Variants in VAV3 observed in about 807,000 individuals in gnomAD.
VAV3 encodes guanine nucleotide exchange factor VAV3.
A neutral mutation model predicts 131.2 loss-of-function variants in VAV3; 94 were observed. The observed-to-expected ratio is 0.72, with a 90% CI of 0.61 to 0.85. VAV3 has a LOEUF of 0.85. VAV3 is among the 40% of genes least tolerant of loss of function. The pLI is 0.00. For missense variants in VAV3, 939 were observed against 1,002.7 expected, an observed-to-expected ratio of 0.94 and a Z score of 0.86; for synonymous variants, 349 against 342.0, an observed-to-expected ratio of 1.02 and a Z score of -0.22.
chr1:107,945,554 T>C (rs931355917), intron 1 of VAV3, among the ~76,000 whole-genome samples: 3 of 152,070 alleles, frequency 2.0e-5, no homozygotes, highest in Non-Finnish European at 2.9e-5. Flanking sequence ...CCAGGCGCGG[T>C]GGCTCATGCC....
intron 20 of VAV3, among the ~76,000 whole-genome samples, chr1:107,617,961 T>A (rs189727435): frequency 6.6e-6 from 1 of 152,032 alleles, no homozygotes; most frequent in East Asian, 1.9e-4. Context: ...GGATGTGGGG[T>A]GAGGTGAGGT....
chr1:107,609,551 A>AAAG (rs33910884), intron 22 of VAV3: 1 of 65,126 alleles, frequency 1.5e-5, no homozygotes, highest in Non-Finnish European at 3.5e-5. Flanking sequence ...TATAAAAAAT[A>AAAG]AAAAAAAAAA....
chr1:107,673,484 C>A (rs1657968847), intron 19 of VAV3: 1 of 152,244 alleles, frequency 6.6e-6, no homozygotes, highest in Non-Finnish European at 1.5e-5. Flanking sequence ...CTGCTCATAT[C>A]CTGGATTCCA....
intron 1 of VAV3, among the ~76,000 whole-genome samples, chr1:107,928,194 A>G (rs1367758757): frequency 6.6e-6 from 1 of 152,196 alleles, no homozygotes; most frequent in African/African-American, 2.4e-5. Flanking sequence ...TACAAGAACC[A>G]CAGCATTACT....
intron 15 of VAV3, among the ~76,000 whole-genome samples, chr1:107,739,234 A>G (rs1157534585): frequency 6.6e-6 from 1 of 152,210 alleles, no homozygotes; most frequent in Non-Finnish European, 1.5e-5. Flanking sequence ...CTAGGCAATA[A>G]CAAAACAAGA....
intron 2 of VAV3, among the ~76,000 whole-genome samples, chr1:107,870,606 T>C (rs913418027): frequency 2.0e-5 from 3 of 152,114 alleles, no homozygotes; most frequent in African/African-American, 7.2e-5. Context: ...CTCTGCTGAC[T>C]GTTCATTTTG....
intron 15 of VAV3, among the ~76,000 whole-genome samples, chr1:107,719,158 A>G (rs1300045576): frequency 6.6e-6 from 1 of 152,244 alleles, no homozygotes; most frequent in Non-Finnish European, 1.5e-5. Flanking sequence ...CAAGGACTTC[A>G]TGACTAAAAC....
intron 2 of VAV3, chr1:107,785,670 C>A: frequency 1.8e-6 from 2 of 1,109,116 alleles, no homozygotes; most frequent in Non-Finnish European, 2.2e-6. Context: ...AAAACTTGGG[C>A]CCCAGAAGAG....
chr1:107,704,678 AT>A, intron 16 of VAV3, 28 bp from the exon 17 acceptor site: 1 of 1,570,816 alleles, frequency 6.4e-7, no homozygotes, highest in Middle Eastern at 1.7e-4. Flanking sequence ...AAAGTGGTAT[AT>A]TAAACGGTGC....
chr1:107,599,719 C>T (rs1397231313), intron 24 of VAV3, among the ~76,000 whole-genome samples: 1 of 151,686 alleles, frequency 6.6e-6, no homozygotes, highest in African/African-American at 2.4e-5. Context: ...ACTGAGAAAC[C>T]AGTTAATTTA....
chr1:107,871,345 C>T (rs345318), intron 2 of VAV3, among the ~76,000 whole-genome samples: 3 of 148,142 alleles, frequency 2.0e-5, no homozygotes, highest in Admixed American at 1.4e-4. Context: ...CCTCTCCCCC[C>T]ACCAGACCTC....
chr1:107,573,980 A>G (rs1649436742), intron 26 of VAV3, 67 bp downstream of exon 26: 1 of 1,580,042 alleles, frequency 6.3e-7, no homozygotes, highest in Admixed American at 1.7e-5. Flanking sequence ...TGGTGCCACA[A>G]TGGGTGCAAA....
At chr1:107,952,468 T>TTATATATATATATATATA (rs1161088981) in intron 1 of VAV3, among the ~76,000 whole-genome samples, 167 of 118,946 alleles carry the variant, frequency 1.4e-3, no homozygotes, top group African/African-American at 4.3e-3. Context: ...TAACAAAACT[T>TTATATATATATATATATA]TATATATATA....
At chr1:107,721,219 G>A (rs185030202) in intron 15 of VAV3, among the ~76,000 whole-genome samples, 1 of 152,264 alleles carries the variant, frequency 6.6e-6, no homozygotes. Flanking sequence ...AGCTATGGTG[G>A]GGGAGGAAAG....
At chr1:107,893,362 T>C (rs536406762) in intron 1 of VAV3, among the ~76,000 whole-genome samples, 2 of 152,246 alleles carry the variant, frequency 1.3e-5, no homozygotes, top group Admixed American at 1.3e-4. Flanking sequence ...AATCACAGGG[T>C]AAAAGTGTTT....
intron 12 of VAV3, 96 bp downstream of exon 12, chr1:107,755,331 A>C (rs536536912): frequency 2.1e-6 from 2 of 960,998 alleles, no homozygotes; most frequent in South Asian, 3.1e-5. Flanking sequence ...CCAACAGTAG[A>C]AACTTGAAGG....
chr1:107,915,894 T>C (rs1672592481), intron 1 of VAV3, among the ~76,000 whole-genome samples: 1 of 152,058 alleles, frequency 6.6e-6, no homozygotes, highest in Non-Finnish European at 1.5e-5. Context: ...AAGCATGTGG[T>C]CTAGTAGGAA....
At chr1:107,600,025 A>T (rs1651722026) in intron 24 of VAV3, among the ~76,000 whole-genome samples, 5 of 152,004 alleles carry the variant, frequency 3.3e-5, no homozygotes, top group Admixed American at 3.3e-4. Context: ...TCAGGTTGCT[A>T]AAACATGAGC....
intron 2 of VAV3, among the ~76,000 whole-genome samples, chr1:107,813,037 G>A (rs955915714): frequency 1.3e-5 from 2 of 151,486 alleles, no homozygotes; most frequent in African/African-American, 4.9e-5. Flanking sequence ...GCAGGAGAAT[G>A]GCATGAACCC....
Sources: allele counts gnomAD v4.1 joint callset (sites outside exome capture counted in the v4.1 genomes callset), GRCh38; gene constraint gnomAD v4.1.1; transcripts MANE v1.5; gene names NCBI Gene and HGNC (gene_info 2026-07-23, HGNC 2026-07-21).